The following APP variants were observed in gnomAD, a reference collection of about 807,000 sequenced individuals.
The protein encoded by APP is amyloid beta precursor protein, also known as amyloid-beta precursor protein.
A neutral mutation model predicts 101.4 loss-of-function variants in APP; 31 were observed. The observed-to-expected ratio is 0.31, with a 90% CI of 0.23 to 0.41. The LOEUF (loss-of-function observed/expected upper bound fraction) is 0.41, where lower values mean the gene tolerates loss of function less well. APP is among the 10% of genes least tolerant of loss of function. APP has a pLI of 1.00. For missense variants in APP, 839 were observed against 1,003.7 expected (o/e 0.84, Z 2.22); for synonymous variants, 366 against 364.4 (o/e 1.00, Z -0.05).
chr21:26,086,873 C>T (rs966075675), intron 3 of APP, among the ~76,000 whole-genome samples: 1 of 152,152 alleles, frequency 6.6e-6, no homozygotes, highest in Admixed American at 6.5e-5. Context: ...GACCAATAAT[C>T]AAGAGAGCTT....
intron 3 of APP, among the ~76,000 whole-genome samples, chr21:26,077,605 G>T (rs2061521566): frequency 6.6e-6 from 1 of 152,030 alleles, no homozygotes; most frequent in Non-Finnish European, 1.5e-5. Flanking sequence ...TTTAACGCAG[G>T]TAATGCATCA....
chr21:25,882,201 C>T lies in APP; in HGVS notation c.2212-430G>A, dbSNP rs537472472. On this transcript the variant is annotated intron_variant, in intron 17 of 17. Coordinates refer to ENST00000346798, the MANE Select transcript of APP (RefSeq NM_000484.4). ...ATGGAGGGAGATTCAGCAAAGTATA[C>T]TGTATCTTGGGTGACACTCAAATCT... Among the ~76,000 whole-genome samples, 13 of 151,776 alleles carry T rather than the reference C, an allele frequency of 8.6e-5. No individual in the cohort carries two copies. The South Asian group carries it at 2.5e-3, about 29-fold the overall frequency.
At chr21:25,920,554 C>CA (rs1341321588) in intron 13 of APP, among the ~76,000 whole-genome samples, 2 of 151,052 alleles carry the variant, frequency 1.3e-5, no homozygotes, top group East Asian at 3.9e-4. Context: ...AAATGGAAAA[C>CA]AAAAAAAGGC....
chr21:25,971,795 G>T (rs1392756368), intron 11 of APP, among the ~76,000 whole-genome samples: 1 of 152,188 alleles, frequency 6.6e-6, no homozygotes, highest in Non-Finnish European at 1.5e-5. Flanking sequence ...TGACTGAGAA[G>T]GGTCTTGCCT....
chr21:26,095,774 G>T (rs1458900932), intron 2 of APP, among the ~76,000 whole-genome samples: 3 of 152,268 alleles, frequency 2.0e-5, no homozygotes, highest in Admixed American at 2.0e-4. Flanking sequence ...TGCTTAATTT[G>T]CATGTGTTTT....
At chr21:26,162,799 G>A (rs572928453) in intron 1 of APP, among the ~76,000 whole-genome samples, 1 of 141,500 alleles carries the variant, frequency 7.1e-6, no homozygotes, top group East Asian at 2.0e-4. Flanking sequence ...TATCATCTAG[G>A]ATGCCTTACA....
At chr21:25,906,826 G>A (rs1345238686) in intron 14 of APP, among the ~76,000 whole-genome samples, 1 of 151,712 alleles carries the variant, frequency 6.6e-6, no homozygotes, top group African/African-American at 2.4e-5. Context: ...CCACATGCAC[G>A]AGGGCAAACG....
At chr21:26,004,441 C>T (rs1036617221) in intron 6 of APP, among the ~76,000 whole-genome samples, 5 of 44 alleles carry the variant, frequency 0.11, no homozygotes, top group East Asian at 0.5. Context: ...TACAAGCACC[C>T]GCCACACACC....
chr21:26,097,976 A>G (rs1253187948), intron 2 of APP, among the ~76,000 whole-genome samples: 1 of 146,842 alleles, frequency 6.8e-6, no homozygotes, highest in African/African-American at 2.5e-5. Flanking sequence ...GCTACTTGGG[A>G]GGCTGAGGCA....
intron 13 of APP, among the ~76,000 whole-genome samples, chr21:25,938,414 T>A (rs1435944639): frequency 6.6e-6 from 1 of 152,050 alleles, no homozygotes; most frequent in Non-Finnish European, 1.5e-5. Context: ...ACATTCTGAG[T>A]CTCTGCTTCA....
intron 15 of APP, among the ~76,000 whole-genome samples, chr21:25,903,594 C>T (rs1398662417): frequency 6.6e-6 from 1 of 151,814 alleles, no homozygotes; most frequent in African/African-American, 2.4e-5. Flanking sequence ...GAAAAAAGTC[C>T]CAAGGCAAAT....
At chr21:25,934,189 G>A (rs984892387) in intron 13 of APP, 3 of 152,202 alleles carry the variant, frequency 2.0e-5, no homozygotes, top group African/African-American at 7.2e-5. Flanking sequence ...GCAAGCGAAA[G>A]GCATGAAACA....
At position 25,880,984 on chromosome 21, in the gene APP, C is replaced by A. The variant is rs1178117451; in HGVS notation, c.*686G>T. The A allele has an allele frequency of 2.2e-5, 2 of 89,512 alleles. No homozygotes were observed. The highest frequency in any genetic ancestry group is 8.6e-5 in the African/African-American group (2 of 23,266). The allele number at this position is 89,512 out of a possible 1,614,324, so 5.5% of individuals were successfully genotyped here. A position where few individuals can be genotyped will look rare whatever the true frequency, so the allele number is the denominator to read the frequency against. ...GCTTACAATGAACAGGGATTCTTTT[C>A]TTTATCAAAGACCCAAAGATACGTG... On this transcript the variant is annotated 3_prime_UTR_variant, in exon 18 of 18. Transcript: ENST00000346798.
chr21:26,165,149 T>C (rs780118617), intron 1 of APP, among the ~76,000 whole-genome samples: 2 of 152,230 alleles, frequency 1.3e-5, no homozygotes, highest in Non-Finnish European at 2.9e-5. Context: ...TTTCCTGCAA[T>C]AGTCTTAATT....
chr21:26,152,219 A>G (rs558726007), intron 1 of APP, among the ~76,000 whole-genome samples: 66 of 140,470 alleles, frequency 4.7e-4, no homozygotes, highest in African/African-American at 1.7e-3. Context: ...CGGGAGGCGG[A>G]GCTTGCAGTG....
chr21:25,914,316 C>A (rs183603615), intron 13 of APP, among the ~76,000 whole-genome samples: 5 of 152,088 alleles, frequency 3.3e-5, no homozygotes, highest in African/African-American at 7.2e-5. Context: ...CTCCTCACTG[C>A]TTGCTATGGT....
At chr21:26,004,097 T>G (rs1353988706) in intron 6 of APP, among the ~76,000 whole-genome samples, 1 of 152,178 alleles carries the variant, frequency 6.6e-6, no homozygotes, top group Non-Finnish European at 1.5e-5. Context: ...TGTATGATGC[T>G]AATGCTTTTA....
chr21:25,899,595 G>A (rs2038305906), intron 15 of APP, among the ~76,000 whole-genome samples: 1 of 152,176 alleles, frequency 6.6e-6, no homozygotes, highest in Admixed American at 6.5e-5. Flanking sequence ...TGACGTGAGT[G>A]AGCCACGTTG....
intron 2 of APP, among the ~76,000 whole-genome samples, chr21:26,092,392 T>C (rs568022462): frequency 1.1e-4 from 17 of 152,266 alleles, no homozygotes; most frequent in African/African-American, 4.1e-4. Context: ...TAACTAATAT[T>C]GCTAAGTGAA....
Sources: allele counts gnomAD v4.1 joint callset (sites outside exome capture counted in the v4.1 genomes callset), GRCh38; gene constraint gnomAD v4.1.1; transcripts MANE v1.5; gene names NCBI Gene and HGNC (gene_info 2026-07-23, HGNC 2026-07-21).